The following HERC4 variants were observed in gnomAD, a reference collection of about 807,000 sequenced individuals.
The protein encoded by HERC4 is HECT and RLD domain containing E3 ubiquitin protein ligase 4.
In HERC4, 28 loss-of-function variants were observed where a neutral mutation model predicts 124.3. The ratio of observed to expected loss-of-function variants is 0.23; its 90% confidence interval spans 0.17 to 0.31. HERC4 has a LOEUF of 0.31. HERC4 is among the 10% of genes least tolerant of loss of function. HERC4 has a pLI of 1.00. For synonymous variants in HERC4, 407 were observed against 421.5 expected, an observed-to-expected ratio of 0.97 and a Z score of 0.42; for missense variants, 713 against 1,229.3, an observed-to-expected ratio of 0.58 and a Z score of 6.28.
chr10:68,059,497 T>TATATATTATAATATTATATAACATC (rs2040744769), intron 3 of HERC4, among the ~76,000 whole-genome samples: 1 of 128,676 alleles, frequency 7.8e-6, no homozygotes, highest in Non-Finnish European at 1.6e-5. Flanking sequence ...ATTATAACAT[T>TATATATTATAATATTATATAACATC]ATATATTATA....
At chr10:67,945,077 A>G (rs1335733262) in intron 19 of HERC4, among the ~76,000 whole-genome samples, 1 of 152,246 alleles carries the variant, frequency 6.6e-6, no homozygotes, top group Non-Finnish European at 1.5e-5. Flanking sequence ...ACCTAGGGAA[A>G]GGTATCAATA....
At chr10:67,995,248 A>G (rs1428106821) in intron 9 of HERC4, 1 of 455,336 alleles carries the variant, frequency 2.2e-6, no homozygotes, top group Non-Finnish European at 4.4e-6. Flanking sequence ...AAGAATTTTC[A>G]CTGAGTTCTT....
At chr10:67,976,561 C>T (rs1447403369) in intron 15 of HERC4, among the ~76,000 whole-genome samples, 4 of 151,812 alleles carry the variant, frequency 2.6e-5, no homozygotes, top group Non-Finnish European at 5.9e-5. Flanking sequence ...AATTTAACAA[C>T]TATCTACACA....
chr10:68,069,138 C>G, intron 3 of HERC4: 6 of 969,234 alleles, frequency 6.2e-6, no homozygotes, highest in Non-Finnish European at 7.4e-6. Context: ...TGATTAGATA[C>G]ACAGTAAGAA....
At chr10:67,971,327 A>G (rs964308826) in intron 15 of HERC4, among the ~76,000 whole-genome samples, 5 of 152,142 alleles carry the variant, frequency 3.3e-5, no homozygotes, top group African/African-American at 1.2e-4. Flanking sequence ...GCTAACAGCA[A>G]TATGAGAAAT....
chr10:67,981,883 G>A (rs1467527071), intron 15 of HERC4, among the ~76,000 whole-genome samples: 1 of 152,146 alleles, frequency 6.6e-6, no homozygotes, highest in Non-Finnish European at 1.5e-5. Flanking sequence ...GGAGGTTGCA[G>A]TGAGCCGAGA....
At position 67,939,606 on chromosome 10, in the gene HERC4, T is replaced by C; in HGVS notation, c.2553A>G (p.Thr851=). ...ATCTTACCGTAAAATTAAGACAAAA[T>C]GTTTCCTCTATGTCATCTTCTGGAT... ...LDYPEDDIEE[T]FCLNFTITVE... The change falls in exon 21 of 25, where the codon ACA becomes ACG. Residue 851 remains threonine (T), a synonymous_variant. Transcript: ENST00000373700. 1.2e-6 allele frequency: 2 copies of C among 1,607,922 alleles called. No individual in the cohort carries two copies. The highest frequency in any genetic ancestry group is 1.7e-6 in the Non-Finnish European group (2 of 1,176,396).
intron 21 of HERC4, among the ~76,000 whole-genome samples, chr10:67,937,829 G>A (rs998541068): frequency 1.3e-5 from 2 of 151,582 alleles, no homozygotes; most frequent in Non-Finnish European, 2.9e-5. Flanking sequence ...CTACAGGTAC[G>A]TGCCACCATG....
chr10:68,073,338 T>C (rs528204909), intron 2 of HERC4, among the ~76,000 whole-genome samples, 152 bp from the exon 3 acceptor site: 38 of 152,308 alleles, frequency 2.5e-4, no homozygotes, highest in African/African-American at 8.9e-4. Flanking sequence ...CAAAAACCAA[T>C]CAGTTGTATT....
intron 16 of HERC4, among the ~76,000 whole-genome samples, chr10:67,963,763 G>A (rs922381190): frequency 6.6e-6 from 1 of 151,998 alleles, no homozygotes; most frequent in Non-Finnish European, 1.5e-5. Flanking sequence ...GCAAAGTCTT[G>A]GTATGAACAA....
intron 9 of HERC4, among the ~76,000 whole-genome samples, chr10:68,005,773 G>A (rs567987): frequency 0.47 from 71,153 of 151,774 alleles, 20,693 homozygotes; most frequent in Non-Finnish European, 0.66. Context: ...GCACAATCAT[G>A]GCTCACTGCA....
At chr10:68,017,804 A>T (rs1446988934) in intron 8 of HERC4, among the ~76,000 whole-genome samples, 1 of 152,194 alleles carries the variant, frequency 6.6e-6, no homozygotes, top group Non-Finnish European at 1.5e-5. Context: ...CAATAAGTCT[A>T]AAATTAGGCA....
chr10:68,010,256 G>T, intron 9 of HERC4: 1 of 1,016,078 alleles, frequency 9.8e-7, no homozygotes, highest in South Asian at 1.3e-5. Flanking sequence ...AGGGGGAAAG[G>T]CACTAAGGAA....
At chr10:68,056,235 T>C (rs1375806305) in intron 3 of HERC4, among the ~76,000 whole-genome samples, 1 of 151,902 alleles carries the variant, frequency 6.6e-6, no homozygotes, top group Non-Finnish European at 1.5e-5. Flanking sequence ...ATTAGTAGAG[T>C]TTTAAATTTT....
At chr10:67,928,122 G>A (rs898013185) in intron 23 of HERC4, among the ~76,000 whole-genome samples, 4 of 152,126 alleles carry the variant, frequency 2.6e-5, no homozygotes, top group Admixed American at 6.5e-5. Flanking sequence ...AACGCCCTAA[G>A]ACTGGAGTGT....
intron 19 of HERC4, among the ~76,000 whole-genome samples, chr10:67,949,279 G>A (rs1345188497): frequency 6.6e-5 from 10 of 151,720 alleles, no homozygotes; most frequent in South Asian, 2.1e-4. Context: ...GTGAGACTCT[G>A]TCTCAAAAAA....
intron 15 of HERC4, among the ~76,000 whole-genome samples, chr10:67,983,290 C>T (rs2036047258): frequency 6.6e-6 from 1 of 152,116 alleles, no homozygotes; most frequent in Non-Finnish European, 1.5e-5. Flanking sequence ...ATTAGTACAA[C>T]CATTATGGAG....
intron 4 of HERC4, chr10:68,039,867 C>A: frequency 1.0e-6 from 1 of 999,048 alleles, no homozygotes; most frequent in Non-Finnish European, 1.2e-6. Flanking sequence ...AAACACTATT[C>A]TGAGTATCAA....
chr10:67,937,274 G>A (rs2032447814), intron 21 of HERC4, among the ~76,000 whole-genome samples: 1 of 152,020 alleles, frequency 6.6e-6, no homozygotes, highest in Admixed American at 6.6e-5. Flanking sequence ...ATGAAGGGAG[G>A]GATACAATGA....
Sources: allele counts gnomAD v4.1 joint callset (sites outside exome capture counted in the v4.1 genomes callset), GRCh38; gene constraint gnomAD v4.1.1; transcripts MANE v1.5; gene names NCBI Gene and HGNC (gene_info 2026-07-23, HGNC 2026-07-21).